The following PLA2R1 variants were observed in gnomAD, a reference collection of about 807,000 sequenced individuals.
PLA2R1 encodes the protein phospholipase A2 receptor 1, also known as secretory phospholipase A2 receptor.
In PLA2R1, 158 loss-of-function variants were observed where a neutral mutation model predicts 195.9. The ratio of observed to expected loss-of-function variants is 0.81; its 90% CI spans 0.71 to 0.92. The LOEUF is 0.92. Among genes scored for constraint, PLA2R1 ranks in the 40% least tolerant of loss-of-function variants. The pLI is 0.00. For missense variants in PLA2R1, 1,626 were observed against 1,764.6 expected, an observed-to-expected ratio of 0.92 and a Z score of 1.41; for synonymous variants, 586 against 598.2, an observed-to-expected ratio of 0.98 and a Z score of 0.30.
At chr2:159,951,214 A>C (rs1687717733) in intron 24 of PLA2R1, 126 bp downstream of exon 24, 1 of 645,322 alleles carries the variant, frequency 1.5e-6, no homozygotes, top group African/African-American at 1.8e-5. Flanking sequence ...CCAATTATTT[A>C]AGTGTTATAT....
At chr2:160,017,738 G>T (rs1162849510) in intron 8 of PLA2R1, among the ~76,000 whole-genome samples, 1 of 152,036 alleles carries the variant, frequency 6.6e-6, no homozygotes. Flanking sequence ...ACACAAATCA[G>T]AACCTTAGGC....
chr2:159,984,404 G>C (rs1301027061), intron 12 of PLA2R1, among the ~76,000 whole-genome samples: 1 of 152,098 alleles, frequency 6.6e-6, no homozygotes, highest in Non-Finnish European at 1.5e-5. Flanking sequence ...GATAAATAAA[G>C]TCAGGCCAAG....
chr2:160,046,251 C>A (rs1694861033), intron 1 of PLA2R1, among the ~76,000 whole-genome samples: 1 of 152,206 alleles, frequency 6.6e-6, no homozygotes, highest in Non-Finnish European at 1.5e-5. Flanking sequence ...CTGCTTAAGT[C>A]ACCTCAGTTC....
chr2:160,032,263 G>A (rs576636288), intron 4 of PLA2R1, among the ~76,000 whole-genome samples: 202 of 152,180 alleles, frequency 1.3e-3, no homozygotes, highest in African/African-American at 4.6e-3. Context: ...AATAAAATTT[G>A]AAAAACATTG....
At chr2:160,005,882 A>T (rs1691949919) in intron 10 of PLA2R1, 61 bp from the exon 11 acceptor site, 8 of 1,195,102 alleles carry the variant, frequency 6.7e-6, no homozygotes, top group Non-Finnish European at 9.9e-6. Context: ...AAATGTCATT[A>T]AAGCATAATG....
chr2:159,967,722 A>T, intron 19 of PLA2R1, 44 bp from the exon 20 acceptor site: 12 of 1,571,124 alleles, frequency 7.6e-6, no homozygotes, highest in Non-Finnish European at 9.6e-6. Context: ...AACAATGGCG[A>T]TTCTTTGAAG....
Position 160,028,841 on chromosome 2 carries a change from T to G in PLA2R1, c.955+9A>C, listed in dbSNP as rs1693678454. The G allele has an allele frequency of 1.3e-6, 2 of 1,555,860 alleles. No homozygotes were observed. Among genetic ancestry groups the G allele is most frequent in the Admixed American group, 1.7e-5 (1 of 59,918 alleles). Reference sequence around the variant, plus strand: ...CACGTGACGAAGGCAAAGAAAACACTGCGGGTACCTGGGCTCCAATTCAGA... The same window carrying G: ...CACGTGACGAAGGCAAAGAAAACACGGCGGGTACCTGGGCTCCAATTCAGA... On this transcript the variant is annotated intron_variant, in intron 5 of 29. Coordinates refer to ENST00000283243, the MANE Select transcript of PLA2R1 (RefSeq NM_007366.5).
At chr2:159,927,297 T>G (rs1455535945), downstream of PLA2R1, among the ~76,000 whole-genome samples, 1 of 152,214 alleles carries the variant, frequency 6.6e-6, no homozygotes, top group African/African-American at 2.4e-5. Context: ...AGTTCTCTTT[T>G]TACCTGTGAT....
chr2:159,993,156 C>A (rs1158488304), intron 11 of PLA2R1, among the ~76,000 whole-genome samples: 1 of 152,098 alleles, frequency 6.6e-6, no homozygotes, highest in Non-Finnish European at 1.5e-5. Flanking sequence ...TAAGCATTAG[C>A]TTCTCCTTGA....
intron 9 of PLA2R1, among the ~76,000 whole-genome samples, chr2:160,013,806 G>A (rs1362947292): frequency 6.6e-6 from 1 of 151,274 alleles, no homozygotes; most frequent in African/African-American, 2.4e-5. Context: ...CAGGAGGGTA[G>A]AAATTAAGTG....
intron 1 of PLA2R1, among the ~76,000 whole-genome samples, chr2:160,050,625 T>C (rs921644967): frequency 1.3e-5 from 2 of 152,204 alleles, no homozygotes; most frequent in African/African-American, 4.8e-5. Context: ...ATCTATCAAC[T>C]GCTTGATGTG....
chr2:160,035,680 C>A (rs1396996243), intron 3 of PLA2R1, among the ~76,000 whole-genome samples: 1 of 152,158 alleles, frequency 6.6e-6, no homozygotes, highest in Non-Finnish European at 1.5e-5. Flanking sequence ...TTACCAGAAT[C>A]TTTTTCATGG....
At position 159,949,656 on chromosome 2, in the gene PLA2R1, T is replaced by C; in HGVS notation, c.3661A>G (p.Thr1221Ala). ...FADSNGRWHS[T>A]ACESFLQGAI... ...CCTTGCAGAAATGACTCGCAGGCTGTGCTATGCCAGCGTCCGTTGCTGTCG... is the reference window on the plus strand; with the variant it reads ...CCTTGCAGAAATGACTCGCAGGCTGCGCTATGCCAGCGTCCGTTGCTGTCG... The change falls in exon 25 of 30, where the codon ACA (threonine) becomes GCA (alanine). Residue 1221 changes from threonine to alanine, a missense_variant. Physicochemically the swap from Thr to Ala is moderately conservative, Grantham distance 58. Coordinates refer to ENST00000283243, the MANE Select transcript of PLA2R1 (RefSeq NM_007366.5). The C allele has an allele frequency of 6.2e-7, 1 of 1,614,022 alleles. No individual in the cohort carries two copies. The highest frequency in any genetic ancestry group is 1.1e-5 in the South Asian group (1 of 91,088).
chr2:159,989,080 C>T (rs565128337), intron 11 of PLA2R1, among the ~76,000 whole-genome samples: 1 of 152,282 alleles, frequency 6.6e-6, no homozygotes, highest in Non-Finnish European at 1.5e-5. Context: ...AGGAAACACG[C>T]TATCCCTCAC....
At chr2:160,053,965 G>A (rs780317477) in intron 1 of PLA2R1, among the ~76,000 whole-genome samples, 4 of 152,256 alleles carry the variant, frequency 2.6e-5, no homozygotes, top group Non-Finnish European at 5.9e-5. Context: ...TCTGAGTATA[G>A]GGCCCTGTGC....
intron 11 of PLA2R1, among the ~76,000 whole-genome samples, chr2:160,004,054 G>T (rs1691792141): frequency 6.6e-6 from 1 of 152,180 alleles, no homozygotes; most frequent in African/African-American, 2.4e-5. Flanking sequence ...ACACCAGCAG[G>T]ATCATACCAA....
At chr2:160,020,727 C>T (rs973365644) in intron 7 of PLA2R1, among the ~76,000 whole-genome samples, 2 of 152,180 alleles carry the variant, frequency 1.3e-5, no homozygotes, top group African/African-American at 4.8e-5. Flanking sequence ...AGATCCTCTC[C>T]AGATGTGGTC....
chr2:159,944,547 G>A (rs1183208487), intron 28 of PLA2R1, among the ~76,000 whole-genome samples: 1 of 152,072 alleles, frequency 6.6e-6, no homozygotes, highest in Non-Finnish European at 1.5e-5. Context: ...TATTTCCTGA[G>A]GCCAAACATA....
chr2:159,980,540 T>C (rs1689873472), intron 13 of PLA2R1, among the ~76,000 whole-genome samples: 2 of 152,338 alleles, frequency 1.3e-5, no homozygotes, highest in South Asian at 4.1e-4. Flanking sequence ...CAGTAGGTTT[T>C]GGGTTTTTTT....
Sources: gnomAD v4.1 joint callset for allele counts (sites outside exome capture counted in the v4.1 genomes callset) on GRCh38, gnomAD v4.1.1 for gene constraint, MANE v1.5 for transcripts, NCBI Gene and HGNC (gene_info 2026-07-23, HGNC 2026-07-21) for gene names.